Variants in XYLB observed in about 807,000 individuals in gnomAD.
The protein encoded by XYLB is xylulose kinase.
XYLB carries 62 observed loss-of-function variants against 78.7 expected under a neutral mutation model. That is an observed-to-expected ratio of 0.79 (90% CI 0.64 to 0.97). XYLB has a LOEUF of 0.97. XYLB is among the 50% of genes least tolerant of loss of function. The pLI, the probability that XYLB is intolerant of heterozygous loss-of-function variation, is 0.00. For missense variants in XYLB, 687 were observed against 676.8 expected, an observed-to-expected ratio of 1.02 and a Z score of -0.17; for synonymous variants, 245 against 247.4, an observed-to-expected ratio of 0.99 and a Z score of 0.09.
intron 15 of XYLB, among the ~76,000 whole-genome samples, chr3:38,393,087 G>A (rs1052103087): frequency 2.0e-5 from 3 of 151,970 alleles, no homozygotes; most frequent in African/African-American, 7.3e-5. Context: ...TACTTGTAGT[G>A]CCCCCTTTAT....
intron 15 of XYLB, among the ~76,000 whole-genome samples, chr3:38,385,628 G>C (rs1418213327): frequency 6.6e-6 from 1 of 152,046 alleles, no homozygotes; most frequent in African/African-American, 2.4e-5. Flanking sequence ...ATCTTTTTCT[G>C]CATCAGTGAG....
At chr3:38,407,426 A>G (rs2125670290) in intron 18 of XYLB, among the ~76,000 whole-genome samples, 1 of 152,382 alleles carries the variant, frequency 6.6e-6, no homozygotes, top group East Asian at 1.9e-4. Context: ...CCACTGCAAA[A>G]TCATGCCAAA....
chr3:38,418,223 A>G (rs1559627799), downstream of XYLB, among the ~76,000 whole-genome samples: 1 of 150,970 alleles, frequency 6.6e-6, no homozygotes, highest in Admixed American at 6.6e-5. Context: ...AGATATATAT[A>G]TATGTATGTA....
intron 17 of XYLB, among the ~76,000 whole-genome samples, chr3:38,397,882 A>C (rs1260486706): frequency 6.9e-6 from 1 of 145,550 alleles, no homozygotes; most frequent in Non-Finnish European, 1.5e-5. Context: ...GCAGTGGTGC[A>C]ATCTTGGTTC....
intron 18 of XYLB, among the ~76,000 whole-genome samples, chr3:38,405,716 C>T (rs567483310): frequency 1.3e-5 from 2 of 152,334 alleles, no homozygotes; most frequent in African/African-American, 4.8e-5. Context: ...TAAAAAACGG[C>T]GCACCAGGAG....
At position 38,379,251 on chromosome 3, in the gene XYLB, A is replaced by C. The variant is rs1707024337; in HGVS notation, c.1200A>C (p.Ala400=). 5 of 1,614,032 alleles carry C rather than the reference A, an allele frequency of 3.1e-6. No homozygotes were observed. The Admixed American group carries it at 5.0e-5, about 16-fold the overall frequency. ...HRFNTENHKV[A]AFPGDVEVRA... ...CCACCTTTTCCTGGAGACAGGTTGC[A>C]GCATTCCCTGGGGATGTGGAGGTTC... Residue 400 remains alanine, a synonymous_variant, in exon 15 of 19, where the codon GCA becomes GCC. Coordinates refer to ENST00000207870, the MANE Select transcript of XYLB (RefSeq NM_005108.4).
chr3:38,355,741 G>T, intron 2 of XYLB: 1 of 703,558 alleles, frequency 1.4e-6, no homozygotes, highest in South Asian at 1.5e-5. Context: ...TGGGTGTCCA[G>T]AGCAACCTTG....
At chr3:38,391,811 C>T (rs1707668076) in intron 15 of XYLB, among the ~76,000 whole-genome samples, 1 of 152,212 alleles carries the variant, frequency 6.6e-6, no homozygotes, top group Admixed American at 6.5e-5. Flanking sequence ...TTCTGCTAAA[C>T]ATTCTACAAT....
At chr3:38,366,187 G>C (rs984510360) in intron 6 of XYLB, among the ~76,000 whole-genome samples, 3 of 152,036 alleles carry the variant, frequency 2.0e-5, no homozygotes, top group Non-Finnish European at 4.4e-5. Flanking sequence ...GGGTGATTGT[G>C]ATTAGGCCAG....
At chr3:38,347,044 CG>C (rs1705102834) in intron 1 of XYLB, 119 bp downstream of exon 1, 1 of 1,025,664 alleles carries the variant, frequency 9.7e-7, no homozygotes, top group African/African-American at 1.7e-5. Context: ...GCCTACCTCT[CG>C]GGCTTCCCGG....
intron 2 of XYLB, chr3:38,356,144 G>A (rs182023): frequency 2.4e-5 from 4 of 168,064 alleles, no homozygotes; most frequent in Admixed American, 6.0e-5. Context: ...CCAGCTACTC[G>A]GGAGGCTGAG....
chr3:38,413,250 C>T lies in XYLB; in HGVS notation c.*237C>T, dbSNP rs140101791. 1.3e-3 allele frequency: 576 copies of T among 433,816 alleles called. 1 individual carries two copies. Among genetic ancestry groups the T allele is most frequent in the African/African-American group, 0.011 (522 of 48,606 alleles). The allele number at this position is 433,816 out of a possible 1,614,324, so 26.9% of individuals were successfully genotyped here. On this transcript the variant is annotated 3_prime_UTR_variant, in exon 19 of 19. Transcript: ENST00000207870. ...CAGGAAAGCATCTCTCTTTTCCTGT[C>T]TTTTATCCCAGGAGGCAGGACAACA...
intron 18 of XYLB, among the ~76,000 whole-genome samples, chr3:38,401,908 G>A (rs535752201): frequency 2.0e-5 from 3 of 152,292 alleles, no homozygotes; most frequent in African/African-American, 7.2e-5. Flanking sequence ...GAACTGTGAA[G>A]GGTCTGAGAT....
intron 15 of XYLB, among the ~76,000 whole-genome samples, chr3:38,390,337 C>CCTCG: frequency 6.6e-6 from 1 of 152,270 alleles, no homozygotes; most frequent in African/African-American, 2.4e-5. Context: ...CCTCAGCCTC[C>CCTCG]TGAGTAGCTG....
rs755354845 is a variant in XYLB at position 38,360,398 on chromosome 3, T to C, written c.200T>C (p.Met67Thr). The C allele has an allele frequency of 3.7e-6, 6 of 1,606,566 alleles. No individual in the cohort carries two copies. The highest frequency in any genetic ancestry group is 2.2e-5 in the East Asian group (1 of 44,542). Residue 67 changes from methionine (M) to threonine (T), a missense_variant, in exon 3 of 19, where the codon ATG becomes ACG. By Grantham distance (81) the Met-to-Thr change is moderately conservative. Transcript: ENST00000207870. Reference protein sequence around the residue: ...DGLTVTSPVLMWVQALDIILE... With the variant: ...DGLTVTSPVLTWVQALDIILE... ...CTGACGGTCACTTCTCCAGTACTAA[T>C]GTGGGTCCAGGTAAGCGCAGGGATT...
chr3:38,377,259 A>T (rs1378117463), intron 14 of XYLB, among the ~76,000 whole-genome samples: 1 of 152,000 alleles, frequency 6.6e-6, no homozygotes, highest in African/African-American at 2.4e-5. Flanking sequence ...ATCATTGTGT[A>T]TCACAGAACT....
chr3:38,396,851 C>T (rs1424988283), intron 16 of XYLB, among the ~76,000 whole-genome samples: 2 of 152,270 alleles, frequency 1.3e-5, no homozygotes, highest in East Asian at 1.9e-4. Flanking sequence ...ACAGGGACAG[C>T]CTGGGGAGCT....
In XYLB at chr3:38,372,747, C is replaced by T. The variant is rs777120376; in HGVS notation, c.847+11C>T. On this transcript the variant is annotated intron_variant, in intron 10 of 18. Coordinates refer to ENST00000207870, the MANE Select transcript of XYLB (RefSeq NM_005108.4). ...CTGGGGACAACCCAGGTGAGTATCT[C>T]GGGGAGTTTCACTCTCCAGTGAGCC... The T allele has an allele frequency of 9.3e-6, 15 of 1,613,952 alleles. No homozygotes were observed. Among genetic ancestry groups the T allele is most frequent in the East Asian group, 6.7e-5 (3 of 44,876 alleles).
rs139841071 is a variant in XYLB at position 38,359,150 on chromosome 3, G to A, written c.141-1189G>A. Among the ~76,000 whole-genome samples, 462 of 152,380 alleles carry A rather than the reference G, an allele frequency of 3.0e-3. 1 individual carries two copies. The highest frequency in any genetic ancestry group is 5.0e-3 in the Non-Finnish European group (340 of 68,040). Reference sequence around the variant, plus strand: ...ATAAACATTGTTTCTAAAGATTATAGATTAGCTGAAAGCATTTCTTATGGG... The same window carrying A: ...ATAAACATTGTTTCTAAAGATTATAAATTAGCTGAAAGCATTTCTTATGGG... On this transcript the variant is annotated intron_variant, in intron 2 of 18. Transcript: ENST00000207870.
Sources: allele counts gnomAD v4.1 joint callset (sites outside exome capture counted in the v4.1 genomes callset), GRCh38; gene constraint gnomAD v4.1.1; transcripts MANE v1.5; gene names NCBI Gene and HGNC (gene_info 2026-07-23, HGNC 2026-07-21).